CHCHD6: variants seen among roughly 807,000 people sequenced by gnomAD.
CHCHD6 encodes MICOS complex subunit MIC25.
Under a neutral mutation model 32.3 loss-of-function variants are expected in CHCHD6, and 28 were observed. The observed-to-expected ratio is 0.87, with a 90% CI of 0.64 to 1.19. CHCHD6 has a LOEUF of 1.19. CHCHD6 is among the 50% of genes most tolerant of loss of function. CHCHD6 has a pLI of 0.00. For missense variants in CHCHD6, 333 were observed against 307.0 expected, an observed-to-expected ratio of 1.08 and a Z score of -0.63; for synonymous variants, 122 against 117.5, an observed-to-expected ratio of 1.04 and a Z score of -0.25.
intron 6 of CHCHD6, among the ~76,000 whole-genome samples, chr3:126,937,100 C>T (rs2078491454): frequency 6.6e-6 from 1 of 152,238 alleles, no homozygotes. Flanking sequence ...ATGCCCTTTC[C>T]TGTCTCCATT....
chr3:126,937,692 G>T (rs529795386), intron 6 of CHCHD6, among the ~76,000 whole-genome samples: 1 of 152,216 alleles, frequency 6.6e-6, no homozygotes, highest in African/African-American at 2.4e-5. Context: ...GTGAGTCAGT[G>T]GTCCCTCATC....
intron 4 of CHCHD6, among the ~76,000 whole-genome samples, chr3:126,838,713 ACCCTTATGGCAGCC>A (rs1370699486): frequency 6.6e-6 from 1 of 152,114 alleles, no homozygotes; most frequent in African/African-American, 2.4e-5. Flanking sequence ...ATCACAGCAA[ACCCTTATGGCAGCC>A]CTATGAGGAA....
chr3:126,744,612 T>A (rs564558667), intron 4 of CHCHD6, among the ~76,000 whole-genome samples: 2 of 152,298 alleles, frequency 1.3e-5, no homozygotes, highest in South Asian at 4.1e-4. Context: ...ATTCTTCCCA[T>A]GAACAAGACA....
intron 6 of CHCHD6, among the ~76,000 whole-genome samples, chr3:126,940,117 A>G (rs186932733): frequency 6.6e-6 from 1 of 152,362 alleles, no homozygotes; most frequent in East Asian, 1.9e-4. Context: ...TCAAAAGGAA[A>G]AAGTTTCGTC....
At chr3:126,864,072 C>G (rs1175838919) in intron 5 of CHCHD6, among the ~76,000 whole-genome samples, 36 of 150,356 alleles carry the variant, frequency 2.4e-4, no homozygotes, top group Admixed American at 7.9e-4. Context: ...CCTCTTCCCC[C>G]ACAATCACCA....
chr3:126,716,064 C>T (rs777164503), intron 1 of CHCHD6, among the ~76,000 whole-genome samples: 12 of 152,188 alleles, frequency 7.9e-5, no homozygotes, highest in East Asian at 1.9e-4. Flanking sequence ...CTGCTACCAG[C>T]CCCTTCGTGA....
chr3:126,786,074 G>A (rs985280289), intron 4 of CHCHD6, among the ~76,000 whole-genome samples: 30 of 152,238 alleles, frequency 2.0e-4, no homozygotes, highest in African/African-American at 4.8e-4. Flanking sequence ...GAGAACATGC[G>A]GTGTTTGGTT....
intron 4 of CHCHD6, among the ~76,000 whole-genome samples, chr3:126,785,779 T>TC (rs1399944761): frequency 2.0e-5 from 3 of 152,056 alleles, no homozygotes; most frequent in Non-Finnish European, 4.4e-5. Context: ...CAATTTTTCC[T>TC]CCCCCCAGCC....
intron 5 of CHCHD6, among the ~76,000 whole-genome samples, chr3:126,853,450 C>A (rs1941548426): frequency 6.6e-6 from 1 of 152,134 alleles, no homozygotes. Context: ...CCTGAGCCAT[C>A]AGCTTATTGC....
intron 4 of CHCHD6, among the ~76,000 whole-genome samples, chr3:126,842,810 C>CTTTTTTT (rs63135461): frequency 1.1e-5 from 1 of 94,654 alleles, no homozygotes; most frequent in Non-Finnish European, 2.3e-5. Context: ...CACTGAAATT[C>CTTTTTTT]TTTTTTTTTT....
chr3:126,858,217 A>G (rs1403733436), intron 5 of CHCHD6, among the ~76,000 whole-genome samples: 6 of 150,834 alleles, frequency 4.0e-5, no homozygotes, highest in Non-Finnish European at 5.9e-5. Context: ...AAGGCAGCAC[A>G]GCACATCTAT....
At chr3:126,795,642 T>C (rs1158016817) in intron 4 of CHCHD6, among the ~76,000 whole-genome samples, 1 of 152,226 alleles carries the variant, frequency 6.6e-6, no homozygotes, top group Non-Finnish European at 1.5e-5. Flanking sequence ...TTTCAGTCTC[T>C]AGGTTTTCTG....
chr3:126,810,613 CAAGTTTAA>C (rs912898904), intron 4 of CHCHD6, among the ~76,000 whole-genome samples: 3 of 152,116 alleles, frequency 2.0e-5, no homozygotes, highest in Non-Finnish European at 2.9e-5. Flanking sequence ...CAAATTGTTT[CAAGTTTAA>C]TAGAGTAGTA....
At chr3:126,846,605 A>C (rs1329043087) in intron 4 of CHCHD6, among the ~76,000 whole-genome samples, 1 of 152,228 alleles carries the variant, frequency 6.6e-6, no homozygotes, top group Non-Finnish European at 1.5e-5. Flanking sequence ...AATATAAAAG[A>C]CTGATTTCTC....
chr3:126,913,799 G>A (rs1313338187), intron 5 of CHCHD6, among the ~76,000 whole-genome samples: 3 of 152,268 alleles, frequency 2.0e-5, no homozygotes, highest in African/African-American at 7.2e-5. Flanking sequence ...AACATGCGAA[G>A]GTGCTGGAGC....
chr3:126,844,005 A>T (rs1425355437), intron 4 of CHCHD6, among the ~76,000 whole-genome samples: 1 of 152,166 alleles, frequency 6.6e-6, no homozygotes, highest in Non-Finnish European at 1.5e-5. Flanking sequence ...CTTGTGGGTT[A>T]TTTAGTAATA....
At chr3:126,903,088 C>T (rs1275978126) in intron 5 of CHCHD6, among the ~76,000 whole-genome samples, 1 of 152,142 alleles carries the variant, frequency 6.6e-6, no homozygotes, top group Non-Finnish European at 1.5e-5. Context: ...GGAACTGGGG[C>T]CTGCTCTCAG....
intron 5 of CHCHD6, among the ~76,000 whole-genome samples, chr3:126,857,879 G>A (rs1323546811): frequency 1.3e-5 from 2 of 152,224 alleles, no homozygotes; most frequent in Non-Finnish European, 2.9e-5. Flanking sequence ...TAGCCACTGT[G>A]GAAGATCGAT....
At chr3:126,943,210 A>G (rs933525142) in intron 6 of CHCHD6, among the ~76,000 whole-genome samples, 4 of 151,900 alleles carry the variant, frequency 2.6e-5, no homozygotes, top group Non-Finnish European at 5.9e-5. Flanking sequence ...GACGCCCCCC[A>G]CTACCACCCC....
Sources: allele counts gnomAD v4.1 joint callset (sites outside exome capture counted in the v4.1 genomes callset), GRCh38; gene constraint gnomAD v4.1.1; transcripts MANE v1.5; gene names NCBI Gene and HGNC (gene_info 2026-07-23, HGNC 2026-07-21).